The following CELF4 variants were observed in gnomAD, a reference collection of about 807,000 sequenced individuals.
CELF4 encodes CUG-BP- and ETR-3-like factor 4.
CELF4 carries 18 observed loss-of-function variants against 59.9 expected under a neutral mutation model. The ratio of observed to expected loss-of-function variants is 0.30; its 90% CI spans 0.21 to 0.45. The LOEUF is 0.45. Among genes scored for constraint, CELF4 ranks in the 20% least tolerant of loss-of-function variants. CELF4 has a pLI of 1.00. For missense variants in CELF4, 456 were observed against 689.0 expected (o/e 0.66, Z 3.79); for synonymous variants, 261 against 267.1 (o/e 0.98, Z 0.22).
intron 2 of CELF4, among the ~76,000 whole-genome samples, chr18:37,466,217 G>A (rs74641557): frequency 0.046 from 6,978 of 152,352 alleles, 225 homozygotes; most frequent in Middle Eastern, 0.085. Flanking sequence ...TAAGATGAAT[G>A]TCTGCAGGCC....
intron 2 of CELF4, among the ~76,000 whole-genome samples, chr18:37,456,961 C>T (rs925527020): frequency 6.6e-6 from 1 of 152,174 alleles, no homozygotes; most frequent in Non-Finnish European, 1.5e-5. Flanking sequence ...TTGGATGGGA[C>T]AGCCTGATCT....
rs145733114 is a variant in CELF4, at chr18:37,428,138, C to A, written c.369+57387G>T. Among the ~76,000 whole-genome samples, 19 of 152,242 alleles carry A rather than the reference C, an allele frequency of 1.2e-4. No homozygotes were observed. In the East Asian group the frequency reaches 3.5e-3, roughly 28 times the overall value. ...GTAAAGCAATTAGCCCTAGAGCTTT[C>A]AAAAATAATGAATAAGGGTCCTGTA... is the stretch of plus-strand genomic sequence containing the variant. On this transcript the variant is annotated intron_variant, in intron 2 of 12. Coordinates refer to ENST00000420428, the MANE Select transcript of CELF4 (RefSeq NM_020180.4).
chr18:37,557,872 T>G (rs2099985268), intron 1 of CELF4, among the ~76,000 whole-genome samples: 1 of 152,126 alleles, frequency 6.6e-6, no homozygotes, highest in African/African-American at 2.4e-5. Context: ...GGAATCACCC[T>G]GTTTGAAATC....
intron 11 of CELF4, among the ~76,000 whole-genome samples, chr18:37,257,207 C>T (rs2070361820): frequency 6.6e-6 from 1 of 152,192 alleles, no homozygotes; most frequent in African/African-American, 2.4e-5. Context: ...CGGGATGGTG[C>T]AAATATGCCA....
intron 2 of CELF4, among the ~76,000 whole-genome samples, chr18:37,463,419 C>T (rs995563887): frequency 6.6e-6 from 1 of 152,202 alleles, no homozygotes. Flanking sequence ...TTTAAGATCT[C>T]TCATTTCATG....
intron 2 of CELF4, among the ~76,000 whole-genome samples, chr18:37,430,135 G>A (rs763445032): frequency 1.3e-5 from 2 of 152,062 alleles, no homozygotes; most frequent in African/African-American, 2.4e-5. Flanking sequence ...CCTGCCATCC[G>A]CCACCCCACC....
At chr18:37,527,972 C>T (rs1603643458) in intron 1 of CELF4, among the ~76,000 whole-genome samples, 1 of 152,172 alleles carries the variant, frequency 6.6e-6, no homozygotes, top group East Asian at 1.9e-4. Context: ...TGGTTCCTAG[C>T]ACAGTTTTAA....
At chr18:37,394,714 A>T (rs1200936895) in intron 2 of CELF4, among the ~76,000 whole-genome samples, 7 of 152,074 alleles carry the variant, frequency 4.6e-5, no homozygotes, top group African/African-American at 1.7e-4. Flanking sequence ...AGGTGGGAGG[A>T]CTGAAGGGTC....
At chr18:37,425,932 C>T (rs1214188386) in intron 2 of CELF4, among the ~76,000 whole-genome samples, 1 of 152,218 alleles carries the variant, frequency 6.6e-6, no homozygotes, top group Non-Finnish European at 1.5e-5. Flanking sequence ...GGACATCAGC[C>T]AGGGAGGGAG....
chr18:37,253,878 A>G lies in CELF4; in HGVS notation c.1394T>C (p.Phe465Ser). The G allele has an allele frequency of 6.2e-7, 1 of 1,609,098 alleles. No individual in the cohort carries two copies. Among genetic ancestry groups the G allele is most frequent in the Non-Finnish European group, 8.5e-7 (1 of 1,177,972 alleles). Residue 465 changes from phenylalanine (F) to serine (S), a missense_variant, in exon 12 of 13, where the codon TTC becomes TCC. By Grantham distance (155) the Phe-to-Ser change is radical. Around this residue, in one of 7 missense-constraint regions of CELF4, gnomAD observed 256 missense variants for 340.8 expected, o/e 0.75. Transcript: ENST00000420428. This position sits in a 1 kb window ranked among gnomAD's most constrained non-coding sequence, Gnocchi z 4.5. ...AQTAIQAMNG[F>S]QIGMKRLKVQ... The stretch of plus-strand genomic sequence containing the variant: ...CTTGAGCCTCTTCATGCCGATCTGG[A>G]AGCCGTTCATGGCCTGGATGGCGGT...
Position 37,393,195 on chromosome 18 carries a change from T to G in CELF4, c.370-71314A>C, listed in dbSNP as rs562406982. ...GGCTTGGTTCCTCTCGGGGATACCCTGATGCCCTCCTGCTACCTCCTGGTC... is the reference window on the plus strand; with the variant it reads ...GGCTTGGTTCCTCTCGGGGATACCCGGATGCCCTCCTGCTACCTCCTGGTC... On this transcript the variant is annotated intron_variant, in intron 2 of 12. Coordinates refer to ENST00000420428, the MANE Select transcript of CELF4 (RefSeq NM_020180.4). Among the ~76,000 whole-genome samples, 583 of 152,294 alleles carry G rather than the reference T, an allele frequency of 3.8e-3. 3 individuals are homozygous for G. Among genetic ancestry groups the G allele is most frequent in the African/African-American group, 0.013 (555 of 41,568 alleles).
chr18:37,270,880 C>G lies in CELF4; in HGVS notation c.987G>C (p.Val329=). The change falls in exon 8 of 13, where the codon GTG becomes GTC. Residue 329 remains valine, a synonymous_variant. Transcript: ENST00000420428. ...CCCCAATGGGGGATGGGATGCTAGG[C>G]ACGGCTGGTGCAGTGATGCCCGGAG... ...STPPGITAPA[V]PSIPSPIGVN... 1 of 1,613,354 alleles carries G rather than the reference C, an allele frequency of 6.2e-7. No homozygotes were observed. Among genetic ancestry groups the G allele is most frequent in the Non-Finnish European group, 8.5e-7 (1 of 1,179,874 alleles).
intron 2 of CELF4, among the ~76,000 whole-genome samples, chr18:37,383,672 G>A (rs577757558): frequency 4.3e-4 from 66 of 152,250 alleles, no homozygotes; most frequent in African/African-American, 1.4e-3. Context: ...TCCACATCTC[G>A]TTTGATTCCC....
At chr18:37,509,622 A>G (rs1218068210) in intron 1 of CELF4, among the ~76,000 whole-genome samples, 1 of 152,252 alleles carries the variant, frequency 6.6e-6, no homozygotes, top group Non-Finnish European at 1.5e-5. Flanking sequence ...AAACAATAAG[A>G]AGGCATAAGC....
rs55943928 is a variant in CELF4, at chr18:37,414,503, C to CTTTTTTTTTTTT, written c.369+71010_369+71021dup. Among the ~76,000 whole-genome samples, 11 of 116,068 alleles carry CTTTTTTTTTTTT rather than the reference C, an allele frequency of 9.5e-5. 1 individual carries two copies. The highest frequency in any genetic ancestry group is 2.8e-4 in the South Asian group (1 of 3,572). 76.1% of individuals were successfully genotyped at this position (116,068 alleles called of 152,430 possible). A position where few individuals can be genotyped will look rare whatever the true frequency, so the allele number is the denominator to read the frequency against. ...CTACTCATTTTTTTTCTTTTCTTTT[C>CTTTTTTTTTTTT]TTTTTTTTTTTTTTTTGAGACGGAG... On this transcript the variant is annotated intron_variant, in intron 2 of 12. Transcript: ENST00000420428.
chr18:37,275,080 C>T (rs2092839967), intron 4 of CELF4, 35 bp downstream of exon 4: 5 of 1,608,586 alleles, frequency 3.1e-6, no homozygotes, highest in Non-Finnish European at 4.2e-6. Flanking sequence ...TCGCCCCTCC[C>T]TCCGGGGCAT....
intron 10 of CELF4, among the ~76,000 whole-genome samples, chr18:37,261,450 C>T (rs779220082): frequency 2.6e-5 from 4 of 152,198 alleles, no homozygotes; most frequent in Non-Finnish European, 4.4e-5. Context: ...CGGTGTGTGG[C>T]GGAGCCCCAG....
At chr18:37,447,733 T>A (rs9948984) in intron 2 of CELF4, among the ~76,000 whole-genome samples, 10 of 152,180 alleles carry the variant, frequency 6.6e-5, no homozygotes, top group African/African-American at 2.4e-4. Flanking sequence ...TTTCTGATTC[T>A]TACCTGCCCT....
intron 2 of CELF4, among the ~76,000 whole-genome samples, chr18:37,327,981 A>G (rs2097382384): frequency 6.6e-6 from 1 of 152,206 alleles, no homozygotes; most frequent in Non-Finnish European, 1.5e-5. Context: ...ATGAACCTGC[A>G]CTACTCCTTT....
Sources: allele counts gnomAD v4.1 joint callset (sites outside exome capture counted in the v4.1 genomes callset), GRCh38; gene constraint gnomAD v4.1.1; regional missense constraint gnomAD v4.1.1; non-coding constraint Gnocchi (gnomAD v3.1); transcripts MANE v1.5; gene names NCBI Gene and HGNC (gene_info 2026-07-23, HGNC 2026-07-21).